Variants in KCNN2 observed in about 807,000 individuals in gnomAD.
KCNN2 encodes the protein small conductance calcium-activated potassium channel protein 2.
In KCNN2, 24 loss-of-function variants were observed where a neutral mutation model predicts 55.5. The observed-to-expected ratio is 0.43, with a 90% confidence interval of 0.31 to 0.61. The LOEUF (loss-of-function observed/expected upper bound fraction) is 0.61, where lower values mean the gene tolerates loss of function less well. Among genes scored for constraint, KCNN2 ranks in the 20% least tolerant of loss-of-function variants. The pLI is 0.08. For missense variants in KCNN2, 754 were observed against 853.6 expected (o/e 0.88, Z 1.45); for synonymous variants, 431 against 336.1 (o/e 1.28, Z -3.09).
chr5:114,221,175 C>A (rs947828766), intron 1 of KCNN2, among the ~76,000 whole-genome samples: 15 of 152,110 alleles, frequency 9.9e-5, no homozygotes, highest in African/African-American at 3.6e-4. Context: ...GGTTTTCAGC[C>A]CCCACTTGCT....
intron 2 of KCNN2, among the ~76,000 whole-genome samples, chr5:114,349,082 C>G (rs1043584652): frequency 6.6e-6 from 1 of 152,098 alleles, no homozygotes; most frequent in Non-Finnish European, 1.5e-5. Context: ...TCCTTCCCCC[C>G]AGCCCAAGAC....
intron 2 of KCNN2, among the ~76,000 whole-genome samples, chr5:114,386,637 A>G (rs1758295852): frequency 6.6e-6 from 1 of 152,058 alleles, no homozygotes; most frequent in African/African-American, 2.4e-5. Flanking sequence ...GAATTTAAAA[A>G]TTCCCACCAT....
intron 2 of KCNN2, among the ~76,000 whole-genome samples, chr5:114,263,006 T>C (rs1755139236): frequency 6.6e-6 from 1 of 152,090 alleles, no homozygotes; most frequent in Non-Finnish European, 1.5e-5. Flanking sequence ...TAAAAATAAA[T>C]GAAAAGGAGA....
intron 2 of KCNN2, among the ~76,000 whole-genome samples, chr5:114,367,727 A>G (rs147736752): frequency 2.9e-3 from 437 of 152,198 alleles, no homozygotes; most frequent in Non-Finnish European, 4.5e-3. Flanking sequence ...ACGGAGTTCA[A>G]CTATCCTTTA....
intron 1 of KCNN2, among the ~76,000 whole-genome samples, chr5:114,077,054 A>G (rs966224812): frequency 6.6e-6 from 1 of 152,208 alleles, no homozygotes; most frequent in Non-Finnish European, 1.5e-5. Context: ...CCCTTAGAAA[A>G]TAATTTGAAT....
intron 2 of KCNN2, among the ~76,000 whole-genome samples, chr5:114,371,909 A>G (rs1247852575): frequency 1.3e-5 from 2 of 152,152 alleles, no homozygotes; most frequent in Non-Finnish European, 2.9e-5. Flanking sequence ...GCCGACTCTT[A>G]TTAGTCTAAA....
intron 2 of KCNN2, among the ~76,000 whole-genome samples, chr5:114,323,074 C>G (rs1202146657): frequency 6.6e-6 from 1 of 152,182 alleles, no homozygotes; most frequent in African/African-American, 2.4e-5. Context: ...TTTTCTGTTT[C>G]TGCATTAGTT....
intron 2 of KCNN2, among the ~76,000 whole-genome samples, chr5:114,243,026 A>G (rs891144915): frequency 6.6e-6 from 1 of 152,118 alleles, no homozygotes; most frequent in Non-Finnish European, 1.5e-5. Flanking sequence ...ATTCTCTGCC[A>G]TTGTGGAACT....
intron 2 of KCNN2, among the ~76,000 whole-genome samples, chr5:114,319,812 T>C (rs1756578264): frequency 6.6e-6 from 1 of 152,200 alleles, no homozygotes; most frequent in South Asian, 2.1e-4. Flanking sequence ...TCAAAGATGC[T>C]TTGTCCCATC....
intron 2 of KCNN2, among the ~76,000 whole-genome samples, chr5:114,338,837 C>T (rs1364811389): frequency 6.6e-6 from 1 of 152,104 alleles, no homozygotes; most frequent in Non-Finnish European, 1.5e-5. Flanking sequence ...GATGGGGTGG[C>T]TAATGAGGTA....
At chr5:114,482,523 T>C (rs1762270457) in intron 5 of KCNN2, among the ~76,000 whole-genome samples, 1 of 152,216 alleles carries the variant, frequency 6.6e-6, no homozygotes, top group Non-Finnish European at 1.5e-5. Flanking sequence ...ATCTCATTAC[T>C]GGGTACATAC....
intron 3 of KCNN2, among the ~76,000 whole-genome samples, chr5:114,457,458 A>T (rs1046207571): frequency 6.6e-6 from 1 of 152,184 alleles, no homozygotes; most frequent in Admixed American, 6.5e-5. Flanking sequence ...TATTTGCATG[A>T]TTGCAGTGAT....
upstream of KCNN2, among the ~76,000 whole-genome samples, chr5:114,359,874 A>G (rs1205864763): frequency 6.6e-6 from 1 of 152,188 alleles, no homozygotes; most frequent in Non-Finnish European, 1.5e-5. Flanking sequence ...AACTTTTCAT[A>G]GGGAAACTTT....
chr5:114,229,871 G>A (rs1314225750), intron 2 of KCNN2, among the ~76,000 whole-genome samples: 3 of 152,110 alleles, frequency 2.0e-5, no homozygotes, highest in African/African-American at 7.2e-5. Flanking sequence ...TGGAAGGAGA[G>A]GCTGAAACAG....
At chr5:114,441,941 C>G (rs1040999285) in intron 3 of KCNN2, among the ~76,000 whole-genome samples, 18 of 152,158 alleles carry the variant, frequency 1.2e-4, no homozygotes, top group Non-Finnish European at 5.9e-5. Flanking sequence ...TGTTTTAAAA[C>G]TTAACTGCTG....
At chr5:114,376,252 G>T (rs1757941367) in intron 2 of KCNN2, among the ~76,000 whole-genome samples, 1 of 152,062 alleles carries the variant, frequency 6.6e-6, no homozygotes, top group Non-Finnish European at 1.5e-5. Flanking sequence ...GCCACAGAAG[G>T]AAAGGGGACA....
chr5:114,139,463 C>CG (rs1447078047), intron 1 of KCNN2, among the ~76,000 whole-genome samples: 1 of 149,806 alleles, frequency 6.7e-6, no homozygotes, highest in African/African-American at 2.4e-5. Flanking sequence ...ACAACCACCC[C>CG]CCCCACACAC....
chr5:114,081,294 T>A (rs116445534), intron 1 of KCNN2, among the ~76,000 whole-genome samples: 44 of 152,230 alleles, frequency 2.9e-4, no homozygotes, highest in African/African-American at 9.6e-4. Flanking sequence ...AAACCCATCC[T>A]AAAATTTATA....
chr5:114,217,303 C>T (rs1019578948), intron 1 of KCNN2, among the ~76,000 whole-genome samples: 6 of 151,734 alleles, frequency 4.0e-5, no homozygotes, highest in African/African-American at 1.2e-4. Context: ...AACACAATAC[C>T]GAAGAAAAAC....
Sources: gnomAD v4.1 joint callset for allele counts (sites outside exome capture counted in the v4.1 genomes callset) on GRCh38, gnomAD v4.1.1 for gene constraint, MANE v1.5 for transcripts, NCBI Gene and HGNC (gene_info 2026-07-23, HGNC 2026-07-21) for gene names.